Variants in MECOM observed in about 807,000 individuals in gnomAD.
The protein encoded by MECOM is histone-lysine N-methyltransferase MECOM.
Under a neutral mutation model 116.3 loss-of-function variants are expected in MECOM, and 13 were observed. The observed-to-expected ratio is 0.11, with a 90% CI of 0.07 to 0.18. The LOEUF (loss-of-function observed/expected upper bound fraction) is 0.18. Among genes scored for constraint, MECOM ranks in the 10% least tolerant of loss-of-function variants. MECOM has a pLI of 1.00. For missense variants in MECOM, 1,299 were observed against 1,509.0 expected (o/e 0.86, Z 2.31); for synonymous variants, 528 against 535.2 (o/e 0.99, Z 0.19).
chr3:169,098,974 T>C (rs527259439), intron 12 of MECOM, among the ~76,000 whole-genome samples: 29 of 152,334 alleles, frequency 1.9e-4, no homozygotes, highest in African/African-American at 6.0e-4. Flanking sequence ...AACTAAACTA[T>C]AAAATCTATC....
rs1257854560 is a variant in MECOM, at chr3:169,513,526, T to G, written c.38-132002A>C. On this transcript the variant is annotated intron_variant, in intron 1 of 16. Transcript: ENST00000651503. Reference sequence around the variant, plus strand: ...GCAGAACTGTAAGTTGTGTCCTTTTTGTGTCTGCCAGCCAGTGGCTGGAAT... The same window carrying G: ...GCAGAACTGTAAGTTGTGTCCTTTTGGTGTCTGCCAGCCAGTGGCTGGAAT... 2.6e-5 allele frequency among the ~76,000 whole-genome samples: 4 copies of G among 152,246 alleles called. No individual in the cohort carries two copies. The East Asian group carries it at 7.7e-4, about 29-fold the overall frequency.
At chr3:169,365,204 A>C (rs1728965684) in intron 2 of MECOM, among the ~76,000 whole-genome samples, 1 of 152,048 alleles carries the variant, frequency 6.6e-6, no homozygotes, top group Non-Finnish European at 1.5e-5. Flanking sequence ...CTATAGAAGA[A>C]CTATAGTCTT....
At chr3:169,350,212 C>A (rs1164093998) in intron 2 of MECOM, among the ~76,000 whole-genome samples, 1 of 151,886 alleles carries the variant, frequency 6.6e-6, no homozygotes, top group Non-Finnish European at 1.5e-5. Flanking sequence ...AAGCAGCCAA[C>A]AAAAGCAGCA....
chr3:169,389,134 A>G (rs1337756522), intron 1 of MECOM, among the ~76,000 whole-genome samples: 12 of 152,218 alleles, frequency 7.9e-5, no homozygotes, highest in Non-Finnish European at 1.5e-5. Flanking sequence ...ACATTTCACT[A>G]AATAAATATG....
At chr3:169,130,711 A>C (rs1734422003) in intron 4 of MECOM, among the ~76,000 whole-genome samples, 1 of 152,306 alleles carries the variant, frequency 6.6e-6, no homozygotes, top group Admixed American at 6.5e-5. Context: ...TTCCAACTAC[A>C]AAATATTCTA....
rs544521408 is a variant in MECOM, at chr3:169,583,971, A to G, written c.37+79365T>C. Among the ~76,000 whole-genome samples the G allele has an allele frequency of 5.3e-5, 8 of 152,266 alleles. 1 individual carries two copies. In the South Asian group the frequency reaches 1.7e-3, roughly 32 times the overall value. On this transcript the variant is annotated intron_variant, in intron 1 of 16. Coordinates refer to ENST00000651503, the MANE Select transcript of MECOM (RefSeq NM_004991.4). ...TAGCTTAATTCTCAAAAATTGATCA[A>G]TTGTGGTTACTTTCAGTTTGTCACA...
At chr3:169,495,813 A>C (rs1367802517) in intron 1 of MECOM, among the ~76,000 whole-genome samples, 1 of 152,184 alleles carries the variant, frequency 6.6e-6, no homozygotes, top group African/African-American at 2.4e-5. Context: ...ATGTTAATTG[A>C]TGGCTGGCCG....
At chr3:169,552,527 T>C (rs1162523442) in intron 1 of MECOM, among the ~76,000 whole-genome samples, 1 of 152,178 alleles carries the variant, frequency 6.6e-6, no homozygotes, top group Non-Finnish European at 1.5e-5. Context: ...AGGTGAGTAC[T>C]ATTCTTCTCT....
intron 1 of MECOM, among the ~76,000 whole-genome samples, chr3:169,407,941 C>T (rs1478927327): frequency 6.6e-6 from 1 of 152,160 alleles, no homozygotes; most frequent in African/African-American, 2.4e-5. Flanking sequence ...TACTTATTGG[C>T]CTCAGAAATT....
intron 2 of MECOM, among the ~76,000 whole-genome samples, chr3:169,250,270 C>G (rs1388639058): frequency 6.6e-6 from 1 of 152,184 alleles, no homozygotes; most frequent in Non-Finnish European, 1.5e-5. Context: ...CTCTTAGTAG[C>G]AGTGGCCAGT....
intron 2 of MECOM, among the ~76,000 whole-genome samples, chr3:169,227,150 T>C (rs1033678891): frequency 2.0e-5 from 3 of 152,148 alleles, no homozygotes; most frequent in South Asian, 2.1e-4. Flanking sequence ...CAGGCCCAGA[T>C]TGTACACAGT....
intron 2 of MECOM, among the ~76,000 whole-genome samples, chr3:169,338,890 A>G (rs976058310): frequency 6.6e-6 from 1 of 152,066 alleles, no homozygotes; most frequent in African/African-American, 2.4e-5. Context: ...TGATAGGAAA[A>G]GGGGGCTTGG....
Position 169,212,598 on chromosome 3 carries a change from T to C in MECOM, c.376-68766A>G, listed in dbSNP as rs1267991081. On this transcript the variant is annotated intron_variant, in intron 2 of 16. Transcript: ENST00000651503. ...AAATCTATTCCAAAGCTCTTGACCT[T>C]TCTATTATAACATAGTCTTGGTCTT... Among the ~76,000 whole-genome samples the C allele has an allele frequency of 5.7e-5, 8 of 139,176 alleles. No individual in the cohort carries two copies. In the Admixed American group the frequency reaches 6.0e-4, roughly 10 times the overall value. 91.3% of individuals were successfully genotyped at this position (139,176 alleles called of 152,430 possible).
intron 2 of MECOM, among the ~76,000 whole-genome samples, chr3:169,201,416 A>G (rs1749136757): frequency 6.6e-6 from 1 of 152,058 alleles, no homozygotes; most frequent in Admixed American, 6.6e-5. Context: ...TGGTTATACT[A>G]TTATTCACAC....
intron 12 of MECOM, among the ~76,000 whole-genome samples, chr3:169,099,084 T>C (rs2148928672): frequency 6.7e-6 from 1 of 149,122 alleles, no homozygotes; most frequent in East Asian, 2.0e-4. Context: ...TCATTTTTTC[T>C]ACACTGTTCA....
intron 2 of MECOM, among the ~76,000 whole-genome samples, chr3:169,295,896 A>C (rs926011612): frequency 6.6e-6 from 1 of 152,210 alleles, no homozygotes; most frequent in Non-Finnish European, 1.5e-5. Flanking sequence ...GGAGGAAGAA[A>C]GTGAGGTTTT....
chr3:169,232,432 TAAAAA>T (rs1753511207), intron 2 of MECOM, among the ~76,000 whole-genome samples: 1 of 29,484 alleles, frequency 3.4e-5, no homozygotes, highest in Non-Finnish European at 7.3e-5. Flanking sequence ...AGGTTAATCT[TAAAAA>T]AGAAAAAAAA....
At chr3:169,361,893 C>G (rs758479479) in intron 2 of MECOM, among the ~76,000 whole-genome samples, 1 of 151,626 alleles carries the variant, frequency 6.6e-6, no homozygotes, top group South Asian at 2.1e-4. Flanking sequence ...TCAAAGATGG[C>G]GAGGAATAGA....
At chr3:169,241,182 C>T (rs552062542) in intron 2 of MECOM, among the ~76,000 whole-genome samples, 1 of 152,036 alleles carries the variant, frequency 6.6e-6, no homozygotes, top group Admixed American at 6.5e-5. Context: ...ATTTTGTGAC[C>T]ATAGTCATTT....
Sources: gnomAD v4.1 joint callset for allele counts (sites outside exome capture counted in the v4.1 genomes callset) on GRCh38, gnomAD v4.1.1 for gene constraint, MANE v1.5 for transcripts, NCBI Gene and HGNC (gene_info 2026-07-23, HGNC 2026-07-21) for gene names.